Variants in TNFRSF21 observed in about 807,000 individuals in gnomAD.
The protein encoded by TNFRSF21 is tumor necrosis factor receptor superfamily member 21.
Under a neutral mutation model 45.6 loss-of-function variants are expected in TNFRSF21, and 19 were observed. The observed-to-expected ratio is 0.42, with a 90% CI of 0.29 to 0.61. The LOEUF is 0.61. Ranked by LOEUF, TNFRSF21 falls within the 20% of genes least tolerant of loss-of-function variation. The pLI is 0.23. For missense variants in TNFRSF21, 737 were observed against 851.5 expected, an observed-to-expected ratio of 0.87 and a Z score of 1.67; for synonymous variants, 314 against 335.5, an observed-to-expected ratio of 0.94 and a Z score of 0.70.
At chr6:47,261,119 T>C (rs1024139289) in intron 3 of TNFRSF21, among the ~76,000 whole-genome samples, 6 of 152,112 alleles carry the variant, frequency 3.9e-5, no homozygotes, top group African/African-American at 7.2e-5. Context: ...CTAAAAGACA[T>C]GCTCCTAACA....
At chr6:47,272,837 C>T (rs1421061268) in intron 3 of TNFRSF21, among the ~76,000 whole-genome samples, 3 of 152,056 alleles carry the variant, frequency 2.0e-5, no homozygotes, top group African/African-American at 7.2e-5. Flanking sequence ...GGGATATCAC[C>T]ACCGATCCCA....
chr6:47,275,277 T>A (rs1268120917), intron 3 of TNFRSF21, among the ~76,000 whole-genome samples: 1 of 152,118 alleles, frequency 6.6e-6, no homozygotes, highest in Non-Finnish European at 1.5e-5. Flanking sequence ...AATGATAGAC[T>A]GGATTAAAAA....
At chr6:47,281,786 T>C (rs1413962995) in intron 3 of TNFRSF21, among the ~76,000 whole-genome samples, 9 of 151,738 alleles carry the variant, frequency 5.9e-5, no homozygotes, top group Admixed American at 5.9e-4. Flanking sequence ...CTTTGTACTG[T>C]TGCTGCAACT....
At chr6:47,285,546 C>T (rs530306530) in intron 2 of TNFRSF21, among the ~76,000 whole-genome samples, 13 of 152,206 alleles carry the variant, frequency 8.5e-5, no homozygotes, top group Admixed American at 2.6e-4. Flanking sequence ...CTATGTCTAC[C>T]TGGGACTGAC....
In TNFRSF21 at chr6:47,253,260, G is replaced by A; in HGVS notation, c.1505C>T (p.Thr502Ile). The A allele has an allele frequency of 6.2e-7, 1 of 1,612,466 alleles. No homozygotes were observed. Among genetic ancestry groups the A allele is most frequent in the Non-Finnish European group, 8.5e-7 (1 of 1,179,000 alleles). Residue 502 changes from threonine to isoleucine, a missense_variant, in exon 4 of 6, where the codon ACC (threonine) becomes ATC (isoleucine). By Grantham distance (89) the Thr-to-Ile change is moderately conservative. Coordinates refer to ENST00000296861, the MANE Select transcript of TNFRSF21 (RefSeq NM_014452.5). ...EKIRGLMEDT[T>I]QLETDKLALP... ...ACACAACAAGGGCTCCATTACCTGG[G>A]TGGTGTCTTCCATCAGCCCACGAAT...
intron 1 of TNFRSF21, among the ~76,000 whole-genome samples, chr6:47,292,356 T>C (rs1301814928): frequency 6.6e-6 from 1 of 151,620 alleles, no homozygotes; most frequent in African/African-American, 2.4e-5. Flanking sequence ...AAAGGCAGCA[T>C]CAAAATTACC....
At chr6:47,275,277 T>C (rs1268120917) in intron 3 of TNFRSF21, among the ~76,000 whole-genome samples, 2 of 152,118 alleles carry the variant, frequency 1.3e-5, no homozygotes, top group Non-Finnish European at 2.9e-5. Context: ...AATGATAGAC[T>C]GGATTAAAAA....
At chr6:47,277,371 G>A (rs551312006) in intron 3 of TNFRSF21, among the ~76,000 whole-genome samples, 2 of 152,324 alleles carry the variant, frequency 1.3e-5, no homozygotes. Flanking sequence ...AACAAACTGA[G>A]ACTGCCAGAG....
At chr6:47,283,176 T>C (rs559490846) in intron 3 of TNFRSF21, among the ~76,000 whole-genome samples, 1 of 152,320 alleles carries the variant, frequency 6.6e-6, no homozygotes, top group South Asian at 2.1e-4. Context: ...CTGCACAGTC[T>C]GAAAACTGCA....
chr6:47,252,379 T>C (rs371848272), intron 4 of TNFRSF21, among the ~76,000 whole-genome samples: 9 of 152,198 alleles, frequency 5.9e-5, no homozygotes, highest in African/African-American at 1.9e-4. Context: ...GAAACCTGAA[T>C]TGAAGTCTGT....
intron 3 of TNFRSF21, among the ~76,000 whole-genome samples, chr6:47,257,630 C>G (rs1765007186): frequency 6.6e-6 from 1 of 152,170 alleles, no homozygotes; most frequent in South Asian, 2.1e-4. Flanking sequence ...ATAGTTACCT[C>G]TTTGGGGAGG....
At chr6:47,290,594 G>C (rs985803056) in intron 1 of TNFRSF21, among the ~76,000 whole-genome samples, 1 of 152,176 alleles carries the variant, frequency 6.6e-6, no homozygotes. Context: ...TGGAATAACA[G>C]ATCAAGTTTC....
At chr6:47,257,674 C>G (rs755645413) in intron 3 of TNFRSF21, among the ~76,000 whole-genome samples, 22 of 152,194 alleles carry the variant, frequency 1.4e-4, no homozygotes, top group Non-Finnish European at 2.4e-4. Context: ...CAAAGGTATT[C>G]ATAAAGTTCT....
chr6:47,296,028 G>A (rs1762785502), intron 1 of TNFRSF21, among the ~76,000 whole-genome samples: 1 of 152,080 alleles, frequency 6.6e-6, no homozygotes, highest in African/African-American at 2.4e-5. Context: ...CTCAGTCCTG[G>A]GGCCACAGAA....
At chr6:47,309,066 G>A (rs1270938354) in intron 1 of TNFRSF21, among the ~76,000 whole-genome samples, 2 of 152,218 alleles carry the variant, frequency 1.3e-5, no homozygotes, top group South Asian at 2.1e-4. Context: ...ATGGGTGGGG[G>A]GCTGTGGCTG....
chr6:47,294,697 CT>C (rs5876019), intron 1 of TNFRSF21, among the ~76,000 whole-genome samples: 89,526 of 150,632 alleles, frequency 0.59, 28,857 homozygotes, highest in African/African-American at 0.86. Flanking sequence ...TCATTTCTTT[CT>C]TTTTTTTTTG....
intron 1 of TNFRSF21, among the ~76,000 whole-genome samples, chr6:47,301,921 T>A (rs1762869558): frequency 6.6e-6 from 1 of 152,150 alleles, no homozygotes. Context: ...TGGGGACCTG[T>A]TACCATTTGC....
At chr6:47,274,761 GA>G (rs1409614703) in intron 3 of TNFRSF21, among the ~76,000 whole-genome samples, 2 of 152,068 alleles carry the variant, frequency 1.3e-5, no homozygotes, top group Non-Finnish European at 2.9e-5. Context: ...CTAATAACCA[GA>G]ATCTACAAAG....
chr6:47,305,871 G>A (rs939207806), intron 1 of TNFRSF21, among the ~76,000 whole-genome samples: 25 of 152,262 alleles, frequency 1.6e-4, no homozygotes, highest in South Asian at 2.1e-4. Context: ...CGAGCTCCCC[G>A]AGGGCAAGGG....
Sources: gnomAD v4.1 joint callset for allele counts (sites outside exome capture counted in the v4.1 genomes callset) on GRCh38, gnomAD v4.1.1 for gene constraint, MANE v1.5 for transcripts, NCBI Gene and HGNC (gene_info 2026-07-23, HGNC 2026-07-21) for gene names.